The following ARID1B variants were observed in gnomAD, a reference collection of about 807,000 sequenced individuals.
The protein encoded by ARID1B is AT-rich interactive domain-containing protein 1B.
A neutral mutation model predicts 212.3 loss-of-function variants in ARID1B; 30 were observed. That is an observed-to-expected ratio of 0.14 (90% CI 0.11 to 0.19). The LOEUF is 0.19. ARID1B is among the 10% of genes least tolerant of loss of function. The pLI is 1.00. For missense variants in ARID1B, 2,891 were observed against 3,204.0 expected (o/e 0.90, Z 2.36); for synonymous variants, 1,402 against 1,301.7 (o/e 1.08, Z -1.66).
chr6:157,189,855 A>G (rs2128339270), intron 14 of ARID1B, 75 bp downstream of exon 14: 2 of 1,600,614 alleles, frequency 1.2e-6, no homozygotes, highest in South Asian at 2.2e-5. Flanking sequence ...CAAACTTCAC[A>G]GAGAGAAGAA....
At chr6:157,136,682 T>G (rs1281040564) in intron 7 of ARID1B, among the ~76,000 whole-genome samples, 1 of 151,640 alleles carries the variant, frequency 6.6e-6, no homozygotes, top group East Asian at 2.0e-4. Context: ...GGCAACATGG[T>G]GAAACACTGC....
At chr6:157,194,442 A>G (rs1793584241) in intron 15 of ARID1B, 2 of 152,266 alleles carry the variant, frequency 1.3e-5, no homozygotes, top group Admixed American at 1.3e-4. Flanking sequence ...CTTTTGCTTC[A>G]CATAACATAA....
chr6:157,190,016 T>TATCATTAAGCTGTA lies in ARID1B; in HGVS notation c.4059-22_4059-21insATCATTAAGCTGTA. 6.2e-7 allele frequency: 1 copy of TATCATTAAGCTGTA among 1,611,690 alleles called. No homozygotes were observed. Among genetic ancestry groups the TATCATTAAGCTGTA allele is most frequent in the South Asian group, 1.1e-5 (1 of 90,608 alleles). ...GTAACTCCTGCTGTATCATTAAGCTTTCATTCTTTGCCTCTCTTCAGAAGC... is the reference window on the plus strand; with the variant it reads ...GTAACTCCTGCTGTATCATTAAGCTTATCATTAAGCTGTATCATTCTTTGCCTCTCTTCAGAAGC... On this transcript the variant is annotated intron_variant, in intron 14 of 19. Coordinates refer to ENST00000636930, the MANE Select transcript of ARID1B (RefSeq NM_001374828.1). The surrounding 1 kb of genome is among the most constrained non-coding windows in gnomAD (Gnocchi z 4.6).
intron 9 of ARID1B, chr6:157,173,321 C>G (rs1791851999): frequency 6.6e-6 from 1 of 152,304 alleles, no homozygotes; most frequent in Admixed American, 6.5e-5. Context: ...GACTCTGGAG[C>G]TGCTGTGGGC....
intron 4 of ARID1B, chr6:157,022,949 T>G (rs1305127155): frequency 1.1e-5 from 1 of 91,358 alleles, no homozygotes; most frequent in Non-Finnish European, 2.1e-5. Flanking sequence ...ATATTAACAT[T>G]CTTCTGTTTT....
intron 4 of ARID1B, among the ~76,000 whole-genome samples, chr6:157,056,849 T>A (rs1176190960): frequency 7.3e-6 from 1 of 137,850 alleles, no homozygotes; most frequent in African/African-American, 2.6e-5. Flanking sequence ...AAGCTTTTTT[T>A]AACTTTTTTT....
At chr6:157,056,782 A>G (rs187635092) in intron 4 of ARID1B, among the ~76,000 whole-genome samples, 1 of 152,242 alleles carries the variant, frequency 6.6e-6, no homozygotes, top group Admixed American at 6.5e-5. Flanking sequence ...ATATAAGGAG[A>G]AACTTAGGCA....
At chr6:157,168,006 G>A (rs1791450301) in intron 9 of ARID1B, 1 of 152,270 alleles carries the variant, frequency 6.6e-6, no homozygotes, top group African/African-American at 2.4e-5. Context: ...AGAGACTGCA[G>A]GGCGTGGCTT....
intron 4 of ARID1B, among the ~76,000 whole-genome samples, chr6:157,000,714 T>TTTTA (rs1405277853): frequency 6.7e-6 from 1 of 149,606 alleles, no homozygotes; most frequent in Non-Finnish European, 1.5e-5. Context: ...TTTTTTTTTT[T>TTTTA]TTGAGACAGA....
intron 5 of ARID1B, chr6:157,108,087 G>GA (rs1431117151): frequency 5.3e-5 from 8 of 152,316 alleles, no homozygotes; most frequent in African/African-American, 1.9e-4. Context: ...TAGTAGTTAT[G>GA]AAACTATGGT....
In ARID1B at chr6:157,146,324, A is replaced by G. The variant is rs187022105; in HGVS notation, c.2762-2300A>G. Among the ~76,000 whole-genome samples, 6 of 152,334 alleles carry G rather than the reference A, an allele frequency of 3.9e-5. No homozygotes were observed. In the East Asian group the frequency reaches 1.2e-3, roughly 29 times the overall value. ...AGTGTTAGGATTATCTGTTTTACAG[A>G]GAAGAGAATGAAACAAGAAAAGATG... is the stretch of plus-strand genomic sequence containing the variant. On this transcript the variant is annotated intron_variant, in intron 7 of 19. Coordinates refer to ENST00000636930, the MANE Select transcript of ARID1B (RefSeq NM_001374828.1).
intron 2 of ARID1B, among the ~76,000 whole-genome samples, chr6:156,893,333 T>G (rs1414290019): frequency 6.6e-6 from 1 of 152,158 alleles, no homozygotes; most frequent in African/African-American, 2.4e-5. Flanking sequence ...GCTATAAAAC[T>G]CTTAAAAGAA....
chr6:156,883,346 C>T (rs1389682607), intron 2 of ARID1B, among the ~76,000 whole-genome samples: 1 of 152,144 alleles, frequency 6.6e-6, no homozygotes, highest in Non-Finnish European at 1.5e-5. Context: ...CCAAGTTACT[C>T]CAGGGACTTG....
intron 3 of ARID1B, among the ~76,000 whole-genome samples, chr6:156,920,742 T>TA (rs1790712962): frequency 6.6e-6 from 1 of 152,188 alleles, no homozygotes; most frequent in Non-Finnish European, 1.5e-5. Context: ...TTTATGTCTC[T>TA]TTGCATTAGC....
intron 3 of ARID1B, among the ~76,000 whole-genome samples, chr6:156,911,587 T>C (rs912479803): frequency 1.3e-5 from 2 of 152,204 alleles, no homozygotes; most frequent in Non-Finnish European, 2.9e-5. Context: ...GAAATTCATA[T>C]GTAAAGTGAG....
intron 3 of ARID1B, among the ~76,000 whole-genome samples, chr6:156,914,749 A>G (rs1160791347): frequency 6.6e-6 from 1 of 152,206 alleles, no homozygotes; most frequent in African/African-American, 2.4e-5. Flanking sequence ...GAAAATCAAC[A>G]TATCCAAAGC....
rs1460789178 is a variant in ARID1B, at chr6:157,148,169, C to G, written c.2762-455C>G. Among the ~76,000 whole-genome samples the G allele has an allele frequency of 6.6e-6, 1 of 152,008 alleles. No homozygotes were observed. Among genetic ancestry groups the G allele is most frequent in the Non-Finnish European group, 1.5e-5 (1 of 68,008 alleles). On this transcript the variant is annotated intron_variant, in intron 7 of 19. Coordinates refer to ENST00000636930, the MANE Select transcript of ARID1B (RefSeq NM_001374828.1). The surrounding 1 kb of genome is among the most constrained non-coding windows in gnomAD (Gnocchi z 5.6). Reference sequence around the variant, plus strand: ...GATGATTTTGACCATATGTGCATGTCGTCTTACACGTTGTCTTTTTGAGCC... The same window carrying G: ...GATGATTTTGACCATATGTGCATGTGGTCTTACACGTTGTCTTTTTGAGCC...
chr6:156,779,524 C>A (rs887659581), intron 1 of ARID1B, 53 bp downstream of exon 1: 10 of 1,253,026 alleles, frequency 8.0e-6, no homozygotes, highest in Non-Finnish European at 1.0e-5. Flanking sequence ...CGCCGCGCCG[C>A]GAGCCTGAGT....
intron 4 of ARID1B, chr6:157,036,545 T>A: frequency 3.4e-6 from 1 of 297,950 alleles, no homozygotes; most frequent in South Asian, 3.2e-5. Context: ...TTCTACTCAC[T>A]CCCTGGATTG....
Sources: gnomAD v4.1 joint callset for allele counts (sites outside exome capture counted in the v4.1 genomes callset) on GRCh38, gnomAD v4.1.1 for gene constraint, Gnocchi (gnomAD v3.1) non-coding constraint, MANE v1.5 for transcripts, NCBI Gene and HGNC (gene_info 2026-07-23, HGNC 2026-07-21) for gene names.